CTNNA3: variants seen among roughly 807,000 people sequenced by gnomAD.
CTNNA3 encodes the protein catenin alpha-3.
Under a neutral mutation model 95.7 loss-of-function variants are expected in CTNNA3, and 76 were observed. That is an observed-to-expected ratio of 0.79 (90% CI 0.66 to 0.96). The LOEUF is 0.96. CTNNA3 is among the 40% of genes least tolerant of loss of function. The pLI, the probability that CTNNA3 is intolerant of heterozygous loss-of-function variation, is 0.00. For synonymous variants in CTNNA3, 431 were observed against 374.4 expected, an observed-to-expected ratio of 1.15 and a Z score of -1.74; for missense variants, 1,191 against 1,089.8, an observed-to-expected ratio of 1.09 and a Z score of -1.31.
chr10:66,152,190 G>T (rs1283692116), intron 13 of CTNNA3, among the ~76,000 whole-genome samples: 1 of 151,890 alleles, frequency 6.6e-6, no homozygotes, highest in African/African-American at 2.4e-5. Context: ...TAAGACAGCA[G>T]AAGATGTTTT....
intron 1 of CTNNA3, among the ~76,000 whole-genome samples, chr10:67,740,716 G>C (rs1233560436): frequency 3.3e-5 from 5 of 151,406 alleles, no homozygotes; most frequent in Non-Finnish European, 7.4e-5. Context: ...TGGTGGGACT[G>C]TAAACTAGTT....
chr10:67,142,116 T>A (rs934101766), intron 7 of CTNNA3, among the ~76,000 whole-genome samples: 1 of 152,114 alleles, frequency 6.6e-6, no homozygotes, highest in Non-Finnish European at 1.5e-5. Flanking sequence ...TGAAAAAAAG[T>A]GTTTTCTATA....
intron 5 of CTNNA3, among the ~76,000 whole-genome samples, chr10:67,222,457 G>T (rs1864706604): frequency 6.6e-6 from 1 of 152,184 alleles, no homozygotes; most frequent in Admixed American, 6.5e-5. Context: ...ACAAGATTGA[G>T]TACATAGCAC....
At chr10:66,739,054 G>A (rs527940901) in intron 9 of CTNNA3, among the ~76,000 whole-genome samples, 1 of 152,238 alleles carries the variant, frequency 6.6e-6, no homozygotes, top group African/African-American at 2.4e-5. Context: ...GTCACCCATA[G>A]ACCTGGGATT....
chr10:66,556,324 A>C (rs1842387669), intron 10 of CTNNA3, among the ~76,000 whole-genome samples: 1 of 152,084 alleles, frequency 6.6e-6, no homozygotes, highest in Non-Finnish European at 1.5e-5. Flanking sequence ...AAAAATTAAA[A>C]ATAGAACTAC....
At chr10:67,021,532 A>C (rs1470690158) in intron 7 of CTNNA3, among the ~76,000 whole-genome samples, 1 of 152,146 alleles carries the variant, frequency 6.6e-6, no homozygotes, top group Non-Finnish European at 1.5e-5. Flanking sequence ...CAAAAATTAC[A>C]ATAAAAAATT....
intron 1 of CTNNA3, among the ~76,000 whole-genome samples, chr10:67,758,533 G>A (rs1379060604): frequency 2.6e-5 from 4 of 151,886 alleles, no homozygotes; most frequent in African/African-American, 9.7e-5. Flanking sequence ...TATAAGATGG[G>A]TGGTCTGCGG....
At chr10:66,535,911 G>A (rs1841635684) in intron 10 of CTNNA3, among the ~76,000 whole-genome samples, 2 of 152,116 alleles carry the variant, frequency 1.3e-5, no homozygotes, top group African/African-American at 4.8e-5. Context: ...TTATTTCAGT[G>A]ATGAAAATAA....
intron 5 of CTNNA3, among the ~76,000 whole-genome samples, chr10:67,518,659 A>G (rs1839893904): frequency 6.6e-6 from 1 of 152,146 alleles, no homozygotes; most frequent in South Asian, 2.1e-4. Context: ...AAGGGTAGAT[A>G]AAGAGAGGAA....
chr10:66,589,044 A>C (rs925588498), intron 10 of CTNNA3, among the ~76,000 whole-genome samples: 1 of 152,078 alleles, frequency 6.6e-6, no homozygotes, highest in African/African-American at 2.4e-5. Flanking sequence ...TTTGTTTCTT[A>C]AGTAAGGATA....
At chr10:67,085,238 G>A (rs527957706) in intron 7 of CTNNA3, among the ~76,000 whole-genome samples, 11 of 151,868 alleles carry the variant, frequency 7.2e-5, no homozygotes, top group Non-Finnish European at 1.5e-4. Flanking sequence ...AAAGAAAATT[G>A]TCTACATATA....
intron 13 of CTNNA3, among the ~76,000 whole-genome samples, chr10:66,132,544 C>T (rs909536558): frequency 2.0e-5 from 3 of 152,184 alleles, no homozygotes; most frequent in African/African-American, 7.2e-5. Flanking sequence ...AATCCCATTA[C>T]TGGATATATA....
intron 9 of CTNNA3, among the ~76,000 whole-genome samples, chr10:66,640,531 T>C (rs558987500): frequency 6.6e-6 from 1 of 152,216 alleles, no homozygotes; most frequent in South Asian, 2.1e-4. Context: ...ATTCTACCTT[T>C]CTCCCTTCAT....
chr10:65,976,633 T>C (rs1233016908), intron 16 of CTNNA3, among the ~76,000 whole-genome samples: 1 of 152,160 alleles, frequency 6.6e-6, no homozygotes, highest in East Asian at 1.9e-4. Context: ...CTTATACTTA[T>C]AAAAGTTATT....
At chr10:66,947,508 CTT>C (rs1848334862) in intron 7 of CTNNA3, among the ~76,000 whole-genome samples, 1 of 152,106 alleles carries the variant, frequency 6.6e-6, no homozygotes, top group Non-Finnish European at 1.5e-5. Flanking sequence ...AGCCTGCCCT[CTT>C]TGTTTCCCCC....
chr10:66,727,716 T>C (rs1848823421), intron 9 of CTNNA3, among the ~76,000 whole-genome samples: 1 of 152,176 alleles, frequency 6.6e-6, no homozygotes, highest in Admixed American at 6.5e-5. Flanking sequence ...CTTTAACTAA[T>C]GTTGTGAACT....
intron 11 of CTNNA3, among the ~76,000 whole-genome samples, chr10:66,485,005 A>G (rs1839676392): frequency 6.6e-6 from 1 of 152,136 alleles, no homozygotes; most frequent in South Asian, 2.1e-4. Flanking sequence ...ATATCAATAA[A>G]TACAGAAAAT....
At position 67,070,431 on chromosome 10, in the gene CTNNA3, T is replaced by TA. The variant is rs974015273; in HGVS notation, c.1047+109885_1047+109886insT. ...AAACCAATCTCTCTCTATATATATA[T>TA]TTTTTATGTTTGTGTCCCGATTAAG... is the stretch of plus-strand genomic sequence containing the variant. On this transcript the variant is annotated intron_variant, in intron 7 of 17. Transcript: ENST00000433211. Among the ~76,000 whole-genome samples, 180 of 152,268 alleles carry TA rather than the reference T, an allele frequency of 1.2e-3. 1 individual carries two copies. The highest frequency in any genetic ancestry group is 0.011 in the Admixed American group (172 of 15,294).
chr10:66,466,225 C>T lies in CTNNA3; in HGVS notation c.1531+54392G>A, dbSNP rs192020499. Among the ~76,000 whole-genome samples, 37 of 151,998 alleles carry T rather than the reference C, an allele frequency of 2.4e-4. No homozygotes were observed. The East Asian group carries it at 5.8e-3, about 24-fold the overall frequency. Reference sequence around the variant, plus strand: ...CCCTGGGTCTTAGGCTACCAGCCTACCCTGCATATTCTGGGCTTGCCAGTC... The same window carrying T: ...CCCTGGGTCTTAGGCTACCAGCCTATCCTGCATATTCTGGGCTTGCCAGTC... On this transcript the variant is annotated intron_variant, in intron 11 of 17. Transcript: ENST00000433211.
Sources: allele counts gnomAD v4.1 joint callset (sites outside exome capture counted in the v4.1 genomes callset), GRCh38; gene constraint gnomAD v4.1.1; transcripts MANE v1.5; gene names NCBI Gene and HGNC (gene_info 2026-07-23, HGNC 2026-07-21).